The following ADCY8 variants were observed in gnomAD, a reference collection of about 807,000 sequenced individuals.
The protein encoded by ADCY8 is adenylate cyclase 8.
In ADCY8, 51 loss-of-function variants were observed where a neutral mutation model predicts 119.7. The ratio of observed to expected loss-of-function variants is 0.43; its 90% CI spans 0.34 to 0.54. The LOEUF is 0.54. Ranked by LOEUF, ADCY8 falls within the 20% of genes least tolerant of loss-of-function variation. The probability of loss-of-function intolerance (pLI) is 0.03; values close to 1 mark genes in which losing one functional copy is unlikely to be tolerated. For missense variants in ADCY8, 1,383 were observed against 1,598.8 expected (o/e 0.87, Z 2.30); for synonymous variants, 665 against 651.0 (o/e 1.02, Z -0.33).
At chr8:130,914,026 A>T (rs1328350985) in intron 5 of ADCY8, among the ~76,000 whole-genome samples, 1 of 152,212 alleles carries the variant, frequency 6.6e-6, no homozygotes, top group African/African-American at 2.4e-5. Context: ...CCTGGCCTAT[A>T]ATAAGGACTA....
rs1815057461 is a variant in ADCY8 at position 130,780,884 on chromosome 8, G to T, written c.3269-7C>A. 4.3e-6 allele frequency: 7 copies of T among 1,611,670 alleles called. No homozygotes were observed. The highest frequency in any genetic ancestry group is 5.9e-6 in the Non-Finnish European group (7 of 1,178,216). ...ACTGAGCCGTGGCTGATGCCTGGGGGGTGAAGCAAAGGAGCAAGAAGTCAG... is the reference window on the plus strand; with the variant it reads ...ACTGAGCCGTGGCTGATGCCTGGGGTGTGAAGCAAAGGAGCAAGAAGTCAG... On this transcript the variant is annotated splice_region_variant and splice_polypyrimidine_tract_variant and intron_variant, in intron 17 of 17. Transcript: ENST00000286355.
At chr8:130,922,871 G>C (rs1342262578) in intron 5 of ADCY8, among the ~76,000 whole-genome samples, 1 of 151,078 alleles carries the variant, frequency 6.6e-6, no homozygotes, top group Non-Finnish European at 1.5e-5. Flanking sequence ...CTTACAAGCT[G>C]TGTGTCATTG....
chr8:130,879,353 A>G (rs1418535641), intron 8 of ADCY8, among the ~76,000 whole-genome samples: 1 of 152,238 alleles, frequency 6.6e-6, no homozygotes, highest in African/African-American at 2.4e-5. Context: ...AAATCATACC[A>G]TCAAGGTATA....
At chr8:130,813,720 T>C (rs891163856) in intron 14 of ADCY8, among the ~76,000 whole-genome samples, 1 of 152,216 alleles carries the variant, frequency 6.6e-6, no homozygotes, top group Admixed American at 6.5e-5. Context: ...AGACCCTTTT[T>C]TCAATTATTT....
chr8:131,005,857 T>C (rs1286867532), intron 1 of ADCY8, among the ~76,000 whole-genome samples: 2 of 152,180 alleles, frequency 1.3e-5, no homozygotes, highest in Non-Finnish European at 2.9e-5. Context: ...TCATCAAGCC[T>C]TGTGGCTCCC....
At chr8:130,928,149 G>A (rs1057188762) in intron 5 of ADCY8, among the ~76,000 whole-genome samples, 3 of 152,194 alleles carry the variant, frequency 2.0e-5, no homozygotes, top group African/African-American at 7.2e-5. Context: ...TGCTAACACA[G>A]CAACCTCAAA....
chr8:130,855,138 C>A (rs1245900631), intron 9 of ADCY8, among the ~76,000 whole-genome samples: 1 of 147,874 alleles, frequency 6.8e-6, no homozygotes, highest in Non-Finnish European at 1.5e-5. Flanking sequence ...TTTCCAGAGT[C>A]CATTAATTTT....
chr8:130,839,860 G>A (rs796506436), intron 11 of ADCY8, among the ~76,000 whole-genome samples: 12 of 139,980 alleles, frequency 8.6e-5, no homozygotes, highest in African/African-American at 2.4e-4. Flanking sequence ...AAGGAACCAC[G>A]GATGAGTTTC....
At chr8:130,934,967 G>C (rs1303051592) in intron 5 of ADCY8, among the ~76,000 whole-genome samples, 1 of 152,160 alleles carries the variant, frequency 6.6e-6, no homozygotes, top group East Asian at 1.9e-4. Flanking sequence ...TCCCTTAAAT[G>C]AGGCATAAGG....
At chr8:130,877,769 C>T (rs1487876020) in intron 8 of ADCY8, among the ~76,000 whole-genome samples, 2 of 152,030 alleles carry the variant, frequency 1.3e-5, no homozygotes, top group Non-Finnish European at 2.9e-5. Flanking sequence ...CAAATGACAC[C>T]TACAAATTTA....
chr8:130,867,709 A>G (rs1239447795), intron 9 of ADCY8, 137 bp downstream of exon 9: 2 of 522,686 alleles, frequency 3.8e-6, no homozygotes, highest in Non-Finnish European at 6.8e-6. Flanking sequence ...ATAGACATTG[A>G]TACTGTCAAA....
intron 1 of ADCY8, among the ~76,000 whole-genome samples, chr8:131,037,077 T>C (rs1250857332): frequency 3.9e-5 from 6 of 152,158 alleles, no homozygotes; most frequent in African/African-American, 7.2e-5. Flanking sequence ...TAGGAAAGAC[T>C]CTTAAGCCAA....
chr8:130,938,203 G>A (rs934851001), intron 4 of ADCY8, among the ~76,000 whole-genome samples: 1 of 152,060 alleles, frequency 6.6e-6, no homozygotes, highest in Non-Finnish European at 1.5e-5. Flanking sequence ...TGGCCTTCAG[G>A]TGCCTCATCT....
chr8:130,996,636 GA>G (rs1480742079), intron 1 of ADCY8, among the ~76,000 whole-genome samples: 3 of 151,954 alleles, frequency 2.0e-5, no homozygotes, highest in African/African-American at 2.4e-5. Context: ...AACTACAGGG[GA>G]AAAAAATGGA....
intron 10 of ADCY8, among the ~76,000 whole-genome samples, chr8:130,848,719 C>T (rs1817414632): frequency 6.6e-6 from 1 of 152,172 alleles, no homozygotes; most frequent in Admixed American, 6.5e-5. Flanking sequence ...AAGTTTAAGA[C>T]CTGGAACCAA....
At position 130,918,533 on chromosome 8, in the gene ADCY8, A is replaced by G. The variant is rs543771525; in HGVS notation, c.1482-8667T>C. ...TTTTTTAAAAAAACTATATTATGAA[A>G]TATATTTTAAGAGATTATTCCCATT... On this transcript the variant is annotated intron_variant, in intron 5 of 17. Transcript: ENST00000286355. Among the ~76,000 whole-genome samples the G allele has an allele frequency of 1.3e-3, 196 of 152,310 alleles. 1 individual carries two copies. Among genetic ancestry groups the G allele is most frequent in the Middle Eastern group, 3.4e-3 (1 of 294 alleles).
intron 15 of ADCY8, among the ~76,000 whole-genome samples, chr8:130,798,758 G>C (rs907115284): frequency 6.6e-6 from 1 of 152,144 alleles, no homozygotes; most frequent in African/African-American, 2.4e-5. Context: ...AAAAAGGCAG[G>C]TGTGAGAGCT....
intron 2 of ADCY8, among the ~76,000 whole-genome samples, chr8:130,989,574 G>A (rs1030622972): frequency 6.6e-6 from 1 of 152,050 alleles, no homozygotes; most frequent in Non-Finnish European, 1.5e-5. Context: ...ATTTCCAAGA[G>A]CATATATACT....
chr8:130,965,282 T>C (rs774722292), intron 2 of ADCY8, among the ~76,000 whole-genome samples: 4 of 152,108 alleles, frequency 2.6e-5, no homozygotes, highest in Non-Finnish European at 5.9e-5. Context: ...GTATTAAACA[T>C]TGAGTGCACA....
Sources: allele counts gnomAD v4.1 joint callset (sites outside exome capture counted in the v4.1 genomes callset), GRCh38; gene constraint gnomAD v4.1.1; transcripts MANE v1.5; gene names NCBI Gene and HGNC (gene_info 2026-07-23, HGNC 2026-07-21).